The following MYL12B variants were observed in gnomAD, a reference collection of about 807,000 sequenced individuals.
MYL12B encodes myosin regulatory light chain 12B.
A neutral mutation model predicts 12.9 loss-of-function variants in MYL12B; 3 were observed. That is an observed-to-expected ratio of 0.23 (90% CI 0.11 to 0.60). The LOEUF (loss-of-function observed/expected upper bound fraction) is 0.60. Ranked by LOEUF, MYL12B falls within the 20% of genes least tolerant of loss-of-function variation. The probability of loss-of-function intolerance (pLI) is 0.89; values close to 1 mark genes in which losing one functional copy is unlikely to be tolerated. For missense variants in MYL12B, 120 were observed against 215.4 expected (o/e 0.56, Z 2.77); for synonymous variants, 57 against 71.9 (o/e 0.79, Z 1.05).
chr18:3,273,200 G>C, intron 2 of MYL12B, 118 bp downstream of exon 2: 7 of 1,168,320 alleles, frequency 6.0e-6, no homozygotes, highest in Non-Finnish European at 8.1e-6. Context: ...CCTCTGGAGA[G>C]ATTTCTGGGT....
intron 2 of MYL12B, 143 bp from the exon 3 acceptor site, chr18:3,277,110 T>C: frequency 8.0e-7 from 1 of 1,249,244 alleles, no homozygotes; most frequent in Non-Finnish European, 1.0e-6. Context: ...AAATAATCTT[T>C]TTAAAATGTT....
chr18:3,269,773 A>G (rs1322905278), intron 1 of MYL12B, among the ~76,000 whole-genome samples: 1 of 152,210 alleles, frequency 6.6e-6, no homozygotes, highest in Non-Finnish European at 1.5e-5. Flanking sequence ...GAATATTTAA[A>G]CGGAGATAAA....
At chr18:3,269,651 C>T (rs1327539423) in intron 1 of MYL12B, among the ~76,000 whole-genome samples, 1 of 152,056 alleles carries the variant, frequency 6.6e-6, no homozygotes, top group Admixed American at 6.5e-5. Flanking sequence ...CCTGGAGGTT[C>T]GGATTTAGGA....
At chr18:3,267,952 T>C (rs916796867) in intron 1 of MYL12B, among the ~76,000 whole-genome samples, 1 of 152,254 alleles carries the variant, frequency 6.6e-6, no homozygotes, top group Admixed American at 6.5e-5. Context: ...ATACCTCATA[T>C]AATGCAAATA....
In MYL12B at chr18:3,264,234, G is replaced by T. The variant is rs373036938; in HGVS notation, c.-16+1997G>T. ...GTAATGAACATATATGTGTAATTCT[G>T]TTTGTGACAGGAAAGAACTATATAT... is the stretch of plus-strand genomic sequence containing the variant. On this transcript the variant is annotated intron_variant, in intron 1 of 3. Transcript: ENST00000237500. Among the ~76,000 whole-genome samples the T allele has an allele frequency of 2.4e-3, 367 of 152,222 alleles. 1 individual carries two copies. The highest frequency in any genetic ancestry group is 8.2e-3 in the African/African-American group (341 of 41,512).
intron 1 of MYL12B, among the ~76,000 whole-genome samples, chr18:3,264,888 G>T (rs987410584): frequency 6.6e-6 from 1 of 152,142 alleles, no homozygotes; most frequent in Non-Finnish European, 1.5e-5. Flanking sequence ...CTTAATGGGG[G>T]TGATGGTTAC....
chr18:3,267,504 C>G (rs188649752), intron 1 of MYL12B, among the ~76,000 whole-genome samples: 1 of 152,070 alleles, frequency 6.6e-6, no homozygotes, highest in Non-Finnish European at 1.5e-5. Context: ...ATGTTGATAC[C>G]ACAGCCACCT....
At position 3,263,448 on chromosome 18, in the gene MYL12B, T is replaced by C. The variant is rs189418491; in HGVS notation, c.-16+1211T>C. ...GAAGGTGGTGGACCCTCCTGGACTT[T>C]ATAACTAAGAGCACTTTTGAGTGCT... is the stretch of plus-strand genomic sequence containing the variant. On this transcript the variant is annotated intron_variant, in intron 1 of 3. Transcript: ENST00000237500. 3.3e-3 allele frequency among the ~76,000 whole-genome samples: 508 copies of C among 152,322 alleles called. 3 individuals carry two copies. Among genetic ancestry groups the C allele is most frequent in the African/African-American group, 0.011 (470 of 41,568 alleles).
intron 2 of MYL12B, among the ~76,000 whole-genome samples, chr18:3,273,875 C>G (rs1003855050): frequency 7.6e-5 from 11 of 145,594 alleles, no homozygotes. Flanking sequence ...TCTTTTAATG[C>G]CTACAAAATG....
intron 2 of MYL12B, among the ~76,000 whole-genome samples, chr18:3,275,883 A>G (rs926877238): frequency 6.6e-6 from 1 of 152,168 alleles, no homozygotes; most frequent in East Asian, 1.9e-4. Context: ...ATTTTGGGCT[A>G]ATTTTGATAT....
At chr18:3,276,921 A>C (rs2081736877) in intron 2 of MYL12B, 1 of 5,830 alleles carries the variant, frequency 1.7e-4, no homozygotes, top group Non-Finnish European at 2.8e-4. Context: ...CTATAGTCCA[A>C]AAAAAAAAAA....
At position 3,273,741 on chromosome 18, in the gene MYL12B, C is replaced by T. The variant is rs547009835; in HGVS notation, c.184+659C>T. Among the ~76,000 whole-genome samples the T allele has an allele frequency of 3.3e-5, 5 of 151,988 alleles. No individual in the cohort carries two copies. The East Asian group carries it at 5.8e-4, about 18-fold the overall frequency. On this transcript the variant is annotated intron_variant, in intron 2 of 3. Coordinates refer to ENST00000237500, the MANE Select transcript of MYL12B (RefSeq NM_033546.4). ...CAAAGGAGACCTTGATAGGCCAAAG[C>T]GGAGGGGGTGAGGCAGGCTGGGAGT...
At chr18:3,274,113 A>C (rs1484600512) in intron 2 of MYL12B, among the ~76,000 whole-genome samples, 1 of 152,166 alleles carries the variant, frequency 6.6e-6, no homozygotes, top group Non-Finnish European at 1.5e-5. Context: ...AGTAGAATCA[A>C]AGATTTTTAT....
At position 3,272,988 on chromosome 18, in the gene MYL12B, G is replaced by A; in HGVS notation, c.90G>A (p.Gln30=). 1 of 1,613,084 alleles carries A rather than the reference G, an allele frequency of 6.2e-7. No homozygotes were observed. Among genetic ancestry groups the A allele is most frequent in the South Asian group, 1.1e-5 (1 of 91,022 alleles). The change falls in exon 2 of 4, where the codon CAG becomes CAA. Residue 30 remains glutamine, a synonymous_variant. Coordinates refer to ENST00000237500, the MANE Select transcript of MYL12B (RefSeq NM_033546.4). ...TGTTTGCCATGTTTGACCAGTCACA[G>A]ATTCAGGAGTTCAAAGAGGCCTTCA... ...SNVFAMFDQS[Q]IQEFKEAFNM... is the part of the protein sequence containing the mutation.
At chr18:3,263,855 C>T (rs951699102) in intron 1 of MYL12B, among the ~76,000 whole-genome samples, 1 of 152,192 alleles carries the variant, frequency 6.6e-6, no homozygotes, top group Non-Finnish European at 1.5e-5. Context: ...GGTTCAAGCT[C>T]TGGAGCTAGA....
rs768720941 is a variant in MYL12B at position 3,277,356 on chromosome 18, C to T, written c.288C>T (p.Gly96=). 1.2e-4 allele frequency: 198 copies of T among 1,613,900 alleles called. No individual in the cohort carries two copies. The highest frequency in any genetic ancestry group is 1.6e-4 in the Non-Finnish European group (186 of 1,179,926). Reference sequence around the variant, plus strand: ...CCATGTTTGGTGAGAAGTTAAATGGCACAGATCCTGAAGATGTCATCAGAA... The same window carrying T: ...CCATGTTTGGTGAGAAGTTAAATGGTACAGATCCTGAAGATGTCATCAGAA... ...FLTMFGEKLN[G]TDPEDVIRNA... is the part of the protein sequence containing the mutation. The change falls in exon 3 of 4, where the codon GGC becomes GGT. Residue 96 remains glycine, a synonymous_variant. Coordinates refer to ENST00000237500, the MANE Select transcript of MYL12B (RefSeq NM_033546.4).
At chr18:3,269,033 T>C (rs1239146311) in intron 1 of MYL12B, among the ~76,000 whole-genome samples, 2 of 152,112 alleles carry the variant, frequency 1.3e-5, no homozygotes, top group Non-Finnish European at 1.5e-5. Flanking sequence ...AACAAAGATA[T>C]ACAAGATAAG....
chr18:3,275,832 C>G (rs919145647), intron 2 of MYL12B, among the ~76,000 whole-genome samples: 1 of 152,128 alleles, frequency 6.6e-6, no homozygotes, highest in Non-Finnish European at 1.5e-5. Flanking sequence ...AAAAGTAGAT[C>G]TTTTTAGCTA....
chr18:3,276,918 C>G, intron 2 of MYL12B: 3 of 853,344 alleles, frequency 3.5e-6, no homozygotes, highest in Non-Finnish European at 3.9e-6. Context: ...TGCCTATAGT[C>G]CAAAAAAAAA....
Sources: allele counts gnomAD v4.1 joint callset (sites outside exome capture counted in the v4.1 genomes callset), GRCh38; gene constraint gnomAD v4.1.1; transcripts MANE v1.5; gene names NCBI Gene and HGNC (gene_info 2026-07-23, HGNC 2026-07-21).